The following DAPK1 variants were observed in gnomAD, a reference collection of about 807,000 sequenced individuals.
DAPK1 encodes death-associated protein kinase 1.
DAPK1 carries 56 observed loss-of-function variants against 144.9 expected under a neutral mutation model. The observed-to-expected ratio is 0.39, with a 90% CI of 0.31 to 0.48. The LOEUF (loss-of-function observed/expected upper bound fraction) is 0.48. Among genes scored for constraint, DAPK1 ranks in the 20% least tolerant of loss-of-function variants. The pLI, the probability that DAPK1 is intolerant of heterozygous loss-of-function variation, is 0.95. For missense variants in DAPK1, 1,454 were observed against 1,875.4 expected, an observed-to-expected ratio of 0.78 and a Z score of 4.15; for synonymous variants, 690 against 749.0, an observed-to-expected ratio of 0.92 and a Z score of 1.29.
chr9:87,661,738 G>A (rs770719431), intron 18 of DAPK1, among the ~76,000 whole-genome samples: 2 of 152,106 alleles, frequency 1.3e-5, no homozygotes, highest in Admixed American at 6.6e-5. Context: ...GTTCCCTGTC[G>A]AATGTAGAGT....
At chr9:87,643,765 C>T (rs998677296) in intron 11 of DAPK1, among the ~76,000 whole-genome samples, 8 of 152,092 alleles carry the variant, frequency 5.3e-5, no homozygotes, top group Non-Finnish European at 8.8e-5. Context: ...CACACATACA[C>T]ACATGCACAG....
intron 20 of DAPK1, among the ~76,000 whole-genome samples, chr9:87,682,765 A>C (rs3128479): frequency 0.47 from 70,782 of 152,024 alleles, 17,355 homozygotes; most frequent in East Asian, 0.73. Flanking sequence ...ATTTAATCCA[A>C]GTGACAGCTT....
chr9:87,547,666 C>T (rs1351963415), intron 2 of DAPK1, among the ~76,000 whole-genome samples: 2 of 149,502 alleles, frequency 1.3e-5, no homozygotes, highest in African/African-American at 4.9e-5. Context: ...TGGAGGGTGG[C>T]AAGTCCAGAA....
At chr9:87,529,414 T>C (rs1423797942) in intron 2 of DAPK1, among the ~76,000 whole-genome samples, 2 of 152,220 alleles carry the variant, frequency 1.3e-5, no homozygotes, top group African/African-American at 4.8e-5. Flanking sequence ...TAACGTGATC[T>C]TACTAATTTA....
chr9:87,519,988 T>G (rs944447450), intron 2 of DAPK1, among the ~76,000 whole-genome samples: 1 of 151,382 alleles, frequency 6.6e-6, no homozygotes, highest in African/African-American at 2.5e-5. Flanking sequence ...TGCTGTGACT[T>G]TTTTTTGTTG....
At chr9:87,578,152 C>G (rs900431876) in intron 2 of DAPK1, among the ~76,000 whole-genome samples, 4 of 152,198 alleles carry the variant, frequency 2.6e-5, no homozygotes, top group Non-Finnish European at 1.5e-5. Flanking sequence ...AAATAGGACT[C>G]TCTAGTAATC....
intron 4 of DAPK1, among the ~76,000 whole-genome samples, 153 bp from the exon 5 acceptor site, chr9:87,639,201 C>T (rs1259421404): frequency 6.6e-6 from 1 of 152,046 alleles, no homozygotes; most frequent in Non-Finnish European, 1.5e-5. Flanking sequence ...GAACCTAGAG[C>T]AAGACATGTA....
At chr9:87,520,961 T>G (rs1337750230) in intron 2 of DAPK1, among the ~76,000 whole-genome samples, 2 of 152,246 alleles carry the variant, frequency 1.3e-5, no homozygotes, top group Non-Finnish European at 2.9e-5. Flanking sequence ...ATTTTTACTG[T>G]GGCCAACCTA....
At chr9:87,524,819 C>T (rs759855900) in intron 2 of DAPK1, among the ~76,000 whole-genome samples, 8 of 152,078 alleles carry the variant, frequency 5.3e-5, no homozygotes, top group Non-Finnish European at 1.2e-4. Context: ...TGTTCTCACT[C>T]ATAAGAGGGA....
intron 2 of DAPK1, among the ~76,000 whole-genome samples, chr9:87,589,188 C>T (rs140326693): frequency 0.03 from 4,598 of 150,988 alleles, 209 homozygotes; most frequent in African/African-American, 0.1. Context: ...GGATTACAGG[C>T]GTGAGCCACC....
intron 2 of DAPK1, among the ~76,000 whole-genome samples, chr9:87,560,083 C>T (rs779476745): frequency 3.3e-5 from 5 of 151,792 alleles, no homozygotes; most frequent in African/African-American, 4.8e-5. Context: ...CTCCTCCTCC[C>T]GGGTTCAAGC....
intron 21 of DAPK1, among the ~76,000 whole-genome samples, chr9:87,696,776 C>A (rs565921195): frequency 6.6e-6 from 1 of 152,252 alleles, no homozygotes; most frequent in East Asian, 1.9e-4. Flanking sequence ...CACTTAGGAC[C>A]CAAACACCTC....
chr9:87,708,168 G>A lies in DAPK1; in HGVS notation c.*804G>A, dbSNP rs188482285. 9 of 247,026 alleles carry A rather than the reference G, an allele frequency of 3.6e-5. No homozygotes were observed. The highest frequency in any genetic ancestry group is 1.5e-4 in the South Asian group (3 of 19,944). 15.3% of individuals were successfully genotyped at this position (247,026 alleles called of 1,614,324 possible). On this transcript the variant is annotated 3_prime_UTR_variant, in exon 26 of 26. Coordinates refer to ENST00000408954, the MANE Select transcript of DAPK1 (RefSeq NM_004938.4). ...CTTTTGTTCCAATGTCAATGTGAAC[G>A]TCCACATGAAACCTACACACTGTCA...
At position 87,707,452 on chromosome 9, in the gene DAPK1, G is replaced by T; in HGVS notation, c.*88G>T. 1 of 936,082 alleles carries T rather than the reference G, an allele frequency of 1.1e-6. No individual in the cohort carries two copies. Among genetic ancestry groups the T allele is most frequent in the Non-Finnish European group, 1.6e-6 (1 of 624,884 alleles). 58.0% of individuals were successfully genotyped at this position (936,082 alleles called of 1,614,324 possible). ...ATCCTTCCCTTTGGAGATGCTGAGGGTGTTTCTTCCTGCACCCACAGCCAG... is the reference window on the plus strand; with the variant it reads ...ATCCTTCCCTTTGGAGATGCTGAGGTTGTTTCTTCCTGCACCCACAGCCAG... On this transcript the variant is annotated 3_prime_UTR_variant, in exon 26 of 26. Coordinates refer to ENST00000408954, the MANE Select transcript of DAPK1 (RefSeq NM_004938.4). The surrounding 1 kb of genome is among the most constrained non-coding windows in gnomAD (Gnocchi z 4.0).
chr9:87,648,925 T>C (rs757837243), intron 15 of DAPK1, 46 bp downstream of exon 15: 2 of 1,509,012 alleles, frequency 1.3e-6, no homozygotes, highest in South Asian at 2.3e-5. Context: ...TATACATGAA[T>C]GTACAGGCAG....
At chr9:87,670,109 A>G (rs1831206028) in intron 19 of DAPK1, among the ~76,000 whole-genome samples, 1 of 152,152 alleles carries the variant, frequency 6.6e-6, no homozygotes, top group Admixed American at 6.5e-5. Flanking sequence ...CTGTACCATT[A>G]TGGACTGTGT....
intron 21 of DAPK1, among the ~76,000 whole-genome samples, chr9:87,688,752 G>A (rs570994896): frequency 1.3e-5 from 2 of 152,066 alleles, no homozygotes; most frequent in African/African-American, 2.4e-5. Context: ...GTGTCTGTTC[G>A]TGTCCTTTGC....
intron 2 of DAPK1, among the ~76,000 whole-genome samples, chr9:87,562,087 A>T (rs1826947316): frequency 6.6e-6 from 1 of 152,160 alleles, no homozygotes; most frequent in African/African-American, 2.4e-5. Flanking sequence ...TAATGTGGGG[A>T]TTCTCATGGG....
chr9:87,632,573 C>CATGTAGGGATGAAGGAGGATGAGTATAT (rs1829736530), intron 3 of DAPK1: 1 of 937,796 alleles, frequency 1.1e-6, no homozygotes, highest in African/African-American at 2.1e-5. Flanking sequence ...GATGAGTATA[C>CATGTAGGGATGAAGGAGGATGAGTATAT]ATGTAGGGAT....
Sources: allele counts gnomAD v4.1 joint callset (sites outside exome capture counted in the v4.1 genomes callset), GRCh38; gene constraint gnomAD v4.1.1; non-coding constraint Gnocchi (gnomAD v3.1); transcripts MANE v1.5; gene names NCBI Gene and HGNC (gene_info 2026-07-23, HGNC 2026-07-21).